The following TTC28 variants were observed in gnomAD, a reference collection of about 807,000 sequenced individuals.
The protein encoded by TTC28 is tetratricopeptide repeat domain 28.
In TTC28, 61 loss-of-function variants were observed where a neutral mutation model predicts 198.0. That is an observed-to-expected ratio of 0.31 (90% CI 0.25 to 0.38). The LOEUF (loss-of-function observed/expected upper bound fraction) is 0.38. Among genes scored for constraint, TTC28 ranks in the 10% least tolerant of loss-of-function variants. TTC28 has a pLI of 1.00. For synonymous variants in TTC28, 1,171 were observed against 1,297.8 expected (o/e 0.90, Z 2.10); for missense variants, 2,678 against 3,164.0 (o/e 0.85, Z 3.69).
intron 5 of TTC28, among the ~76,000 whole-genome samples, chr22:28,169,349 T>G (rs932199311): frequency 2.0e-5 from 3 of 152,222 alleles, no homozygotes; most frequent in Non-Finnish European, 4.4e-5. Flanking sequence ...TTATAAATCA[T>G]GCTGCTATAA....
At chr22:28,545,300 T>C (rs897130776) in intron 2 of TTC28, among the ~76,000 whole-genome samples, 1 of 152,150 alleles carries the variant, frequency 6.6e-6, no homozygotes, top group Non-Finnish European at 1.5e-5. Flanking sequence ...CTGGATGAGG[T>C]GGTTTACACC....
At chr22:28,125,245 A>T (rs183376837) in intron 6 of TTC28, among the ~76,000 whole-genome samples, 26 of 152,352 alleles carry the variant, frequency 1.7e-4, no homozygotes, top group African/African-American at 5.8e-4. Context: ...CCTGTTTCTT[A>T]GCTTAGCTCC....
At chr22:28,160,553 G>A (rs1921050199) in intron 6 of TTC28, among the ~76,000 whole-genome samples, 1 of 152,132 alleles carries the variant, frequency 6.6e-6, no homozygotes, top group Non-Finnish European at 1.5e-5. Context: ...AGTAAAAAAG[G>A]CAGCTTCAGA....
intron 2 of TTC28, among the ~76,000 whole-genome samples, chr22:28,502,492 CAAAA>C (rs2048550772): frequency 7.0e-6 from 1 of 143,666 alleles, no homozygotes; most frequent in Non-Finnish European, 1.5e-5. Flanking sequence ...AAAAAAAATA[CAAAA>C]AATTAGCCAG....
chr22:28,181,742 A>T (rs1034610836), intron 5 of TTC28, among the ~76,000 whole-genome samples: 2 of 152,178 alleles, frequency 1.3e-5, no homozygotes, highest in African/African-American at 4.8e-5. Flanking sequence ...CCTATCTCAC[A>T]TGTTAACACC....
chr22:28,383,898 A>G (rs1009036779), intron 2 of TTC28, among the ~76,000 whole-genome samples: 1 of 152,210 alleles, frequency 6.6e-6, no homozygotes, highest in Non-Finnish European at 1.5e-5. Flanking sequence ...ATGTCCTCCT[A>G]TTAGAGTAAA....
At chr22:28,131,657 G>A (rs1943062114) in intron 6 of TTC28, among the ~76,000 whole-genome samples, 1 of 152,178 alleles carries the variant, frequency 6.6e-6, no homozygotes, top group African/African-American at 2.4e-5. Context: ...CTAAGTCAGG[G>A]ACTGTCTGTA....
At chr22:28,069,692 A>T (rs771571382) in intron 12 of TTC28, among the ~76,000 whole-genome samples, 1 of 152,166 alleles carries the variant, frequency 6.6e-6, no homozygotes, top group Non-Finnish European at 1.5e-5. Flanking sequence ...GACAAGTTAG[A>T]CAAGTAGCTT....
At chr22:28,036,431 C>T (rs1355530449) in intron 12 of TTC28, among the ~76,000 whole-genome samples, 1 of 152,096 alleles carries the variant, frequency 6.6e-6, no homozygotes, top group African/African-American at 2.4e-5. Context: ...GGGTACGTAA[C>T]AAAATGAAGG....
intron 5 of TTC28, among the ~76,000 whole-genome samples, chr22:28,263,082 G>T (rs766239491): frequency 2.6e-5 from 4 of 152,108 alleles, no homozygotes; most frequent in Non-Finnish European, 5.9e-5. Context: ...TTTTAAGAAA[G>T]CCCTAAAATT....
chr22:28,586,412 A>G (rs1035655042), intron 2 of TTC28, among the ~76,000 whole-genome samples: 5 of 152,134 alleles, frequency 3.3e-5, no homozygotes, highest in Admixed American at 3.3e-4. Context: ...AAGAATCTAT[A>G]GAAAGATTAA....
intron 5 of TTC28, among the ~76,000 whole-genome samples, chr22:28,193,907 G>A (rs914621854): frequency 1.3e-5 from 2 of 152,040 alleles, no homozygotes; most frequent in Admixed American, 6.6e-5. Context: ...GGATTTCCAC[G>A]ACTTGAACTC....
intron 12 of TTC28, among the ~76,000 whole-genome samples, chr22:28,069,905 C>G (rs966179844): frequency 1.3e-5 from 2 of 148,630 alleles, no homozygotes; most frequent in Admixed American, 6.9e-5. Context: ...TTAGCCTACA[C>G]TAAATTGAAA....
At chr22:28,309,683 T>A (rs2045216131) in intron 2 of TTC28, among the ~76,000 whole-genome samples, 2 of 152,184 alleles carry the variant, frequency 1.3e-5, no homozygotes, top group African/African-American at 4.8e-5. Flanking sequence ...ATGCCAAAGA[T>A]GGGTGTCTCT....
intron 6 of TTC28, among the ~76,000 whole-genome samples, chr22:28,144,122 A>C (rs1239020234): frequency 6.6e-6 from 1 of 152,212 alleles, no homozygotes; most frequent in Non-Finnish European, 1.5e-5. Flanking sequence ...TGCTTCACAT[A>C]CATCAACTCA....
intron 2 of TTC28, among the ~76,000 whole-genome samples, chr22:28,619,615 C>T (rs7288792): frequency 0.14 from 20,754 of 152,108 alleles, 1,660 homozygotes; most frequent in African/African-American, 0.2. Context: ...CTTCAAAAAG[C>T]TCATGGAAAA....
intron 21 of TTC28, 115 bp from the exon 22 acceptor site, chr22:27,985,471 C>T (rs1937178128): frequency 1.2e-6 from 1 of 820,802 alleles, no homozygotes; most frequent in South Asian, 1.6e-5. Context: ...GGCCCTTCAG[C>T]AAGCATTTGG....
intron 2 of TTC28, among the ~76,000 whole-genome samples, chr22:28,579,187 TATAC>T (rs1387270110): frequency 6.6e-6 from 1 of 151,088 alleles, no homozygotes; most frequent in South Asian, 2.1e-4. Context: ...TATAGTTATA[TATAC>T]ATACATTATA....
rs1205752154 is a variant in TTC28, at chr22:28,199,608, A to AC, written c.934-36010_934-36009insG. On this transcript the variant is annotated intron_variant, in intron 5 of 22. Transcript: ENST00000397906. ...ACTGTGTATGTGTATGTGTATGTGTATGTGTATGTGTATGTTCATAAAACA... is the reference window on the plus strand; with the variant it reads ...ACTGTGTATGTGTATGTGTATGTGTACTGTGTATGTGTATGTTCATAAAACA... Among the ~76,000 whole-genome samples the AC allele has an allele frequency of 5.2e-3, 776 of 148,922 alleles. 20 individuals carry two copies. The highest frequency in any genetic ancestry group is 0.019 in the African/African-American group (732 of 39,518).
Sources: gnomAD v4.1 joint callset for allele counts (sites outside exome capture counted in the v4.1 genomes callset) on GRCh38, gnomAD v4.1.1 for gene constraint, MANE v1.5 for transcripts, NCBI Gene and HGNC (gene_info 2026-07-23, HGNC 2026-07-21) for gene names.